EXTL3: variants seen among roughly 807,000 people sequenced by gnomAD.
EXTL3 encodes the protein exostosin-like 3.
Under a neutral mutation model 69.3 loss-of-function variants are expected in EXTL3, and 27 were observed. The ratio of observed to expected loss-of-function variants is 0.39; its 90% CI spans 0.29 to 0.54. The LOEUF (loss-of-function observed/expected upper bound fraction) is 0.54. Among genes scored for constraint, EXTL3 ranks in the 20% least tolerant of loss-of-function variants. The pLI is 0.69. For missense variants in EXTL3, 1,003 were observed against 1,231.8 expected (o/e 0.81, Z 2.78); for synonymous variants, 511 against 499.4 (o/e 1.02, Z -0.31).
At chr8:28,696,097 G>T (rs1370433281) in intron 1 of EXTL3, 1 of 152,100 alleles carries the variant, frequency 6.6e-6, no homozygotes, top group Non-Finnish European at 1.5e-5. Flanking sequence ...GGGTCTTCCT[G>T]TGTTGCCCAG....
At chr8:28,712,755 T>C (rs1801056154) in intron 1 of EXTL3, among the ~76,000 whole-genome samples, 2 of 152,214 alleles carry the variant, frequency 1.3e-5, no homozygotes, top group South Asian at 4.1e-4. Context: ...ATGCATTCTT[T>C]TGAATCATTG....
rs1328713932 is a variant in EXTL3, at chr8:28,753,118, C to G, written c.*2252C>G. ...CCAACAAGGACAGCCCTCCTTGACC[C>G]TGAAAGGAACACTGGCTTGAAGGAC... On this transcript the variant is annotated 3_prime_UTR_variant, in exon 7 of 7. Coordinates refer to ENST00000220562, the MANE Select transcript of EXTL3 (RefSeq NM_001440.4). 1 of 152,292 alleles carries G rather than the reference C, an allele frequency of 6.6e-6. No individual in the cohort carries two copies. Among genetic ancestry groups the G allele is most frequent in the Non-Finnish European group, 1.5e-5 (1 of 68,106 alleles). The allele number at this position is 152,292 out of a possible 1,614,324, so 9.4% of individuals were successfully genotyped here.
intron 1 of EXTL3, among the ~76,000 whole-genome samples, chr8:28,676,076 G>A (rs1263252129): frequency 6.6e-6 from 1 of 151,564 alleles, no homozygotes. Flanking sequence ...TTGGTTGGTT[G>A]GCTGGCTGAA....
At chr8:28,725,339 CTGTG>C in intron 3 of EXTL3, among the ~76,000 whole-genome samples, 1 of 152,136 alleles carries the variant, frequency 6.6e-6, no homozygotes, top group South Asian at 2.1e-4. Flanking sequence ...TCAGGGAGCC[CTGTG>C]TGTGAGACAG....
At chr8:28,728,858 C>T (rs1188795789) in intron 3 of EXTL3, among the ~76,000 whole-genome samples, 1 of 151,976 alleles carries the variant, frequency 6.6e-6, no homozygotes, top group African/African-American at 2.4e-5. Context: ...CACCATTGCA[C>T]TCCAGCCTAG....
At chr8:28,619,245 A>C (rs1806371002), upstream of EXTL3, among the ~76,000 whole-genome samples, 5 of 124,670 alleles carry the variant, frequency 4.0e-5, no homozygotes, top group Admixed American at 1.8e-4. Context: ...GAGGAAGCCC[A>C]CGTAGAAATT....
intron 1 of EXTL3, among the ~76,000 whole-genome samples, chr8:28,627,270 A>G (rs1217210351): frequency 6.6e-6 from 1 of 152,086 alleles, no homozygotes; most frequent in Non-Finnish European, 1.5e-5. Context: ...GCACTTTGGG[A>G]GGCTGAGGCA....
intron 1 of EXTL3, among the ~76,000 whole-genome samples, chr8:28,675,899 G>C (rs1233033792): frequency 6.6e-6 from 1 of 151,396 alleles, no homozygotes; most frequent in Non-Finnish European, 1.5e-5. Context: ...GTGCACGCCT[G>C]TAATCCCAGC....
chr8:28,645,085 G>T (rs919706898), intron 1 of EXTL3, among the ~76,000 whole-genome samples: 1 of 152,096 alleles, frequency 6.6e-6, no homozygotes, highest in East Asian at 1.9e-4. Flanking sequence ...TCTGAAAAGG[G>T]GAGTGAGAAA....
At chr8:28,690,982 G>C (rs1800605829) in intron 1 of EXTL3, among the ~76,000 whole-genome samples, 1 of 152,128 alleles carries the variant, frequency 6.6e-6, no homozygotes, top group Non-Finnish European at 1.5e-5. Context: ...CTGTATTGCA[G>C]GGGTGAAGTT....
At chr8:28,643,995 G>A (rs1806788117) in intron 1 of EXTL3, among the ~76,000 whole-genome samples, 1 of 152,074 alleles carries the variant, frequency 6.6e-6, no homozygotes, top group Non-Finnish European at 1.5e-5. Flanking sequence ...AAACTCCTGG[G>A]ATAAAGTGGT....
intron 1 of EXTL3, among the ~76,000 whole-genome samples, chr8:28,688,284 C>T (rs145789912): frequency 0.031 from 4,772 of 152,050 alleles, 117 homozygotes; most frequent in Non-Finnish European, 0.048. Flanking sequence ...AGGCTGGTCT[C>T]GAACTCCTGA....
chr8:28,679,725 C>T (rs1807451435), intron 1 of EXTL3, among the ~76,000 whole-genome samples: 1 of 91,124 alleles, frequency 1.1e-5, no homozygotes, highest in Non-Finnish European at 2.3e-5. Flanking sequence ...CCGACCCTAC[C>T]TCTTAAAAAA....
chr8:28,658,316 T>A (rs1807047643), intron 1 of EXTL3, among the ~76,000 whole-genome samples: 1 of 152,178 alleles, frequency 6.6e-6, no homozygotes, highest in South Asian at 2.1e-4. Flanking sequence ...ACATGGTTCA[T>A]GGAGCAGAAG....
At chr8:28,682,327 T>C (rs1807503318) in intron 1 of EXTL3, among the ~76,000 whole-genome samples, 1 of 152,242 alleles carries the variant, frequency 6.6e-6, no homozygotes, top group Non-Finnish European at 1.5e-5. Flanking sequence ...AGTTGAGTTC[T>C]TATATATTTC....
At chr8:28,725,088 T>C (rs1433541711) in intron 3 of EXTL3, among the ~76,000 whole-genome samples, 2 of 152,160 alleles carry the variant, frequency 1.3e-5, no homozygotes, top group African/African-American at 4.8e-5. Flanking sequence ...AGTTTCATTC[T>C]CAGATATGGA....
At position 28,643,572 on chromosome 8, in the gene EXTL3, A is replaced by G. The variant is rs549189301; in HGVS notation, c.-53+20762A>G. On this transcript the variant is annotated intron_variant, in intron 1 of 6. Coordinates refer to the EXTL3 transcript ENST00000523149. ...TGGGACTACAGGCGCCCGCTACCAC[A>G]CCCGGCTAATTTTTTTTTTGTATTT... 1.7e-4 allele frequency among the ~76,000 whole-genome samples: 25 copies of G among 148,352 alleles called. No individual in the cohort carries two copies. In the East Asian group the frequency reaches 2.4e-3, roughly 14 times the overall value.
At chr8:28,627,043 G>A (rs139831664) in intron 1 of EXTL3, among the ~76,000 whole-genome samples, 7,321 of 151,976 alleles carry the variant, frequency 0.048, 502 homozygotes, top group African/African-American at 0.15. Flanking sequence ...TTAGCTGGGC[G>A]TGGTGGCGGG....
At chr8:28,645,726 G>A (rs866993411) in intron 1 of EXTL3, among the ~76,000 whole-genome samples, 1 of 150,566 alleles carries the variant, frequency 6.6e-6, no homozygotes, top group South Asian at 2.1e-4. Flanking sequence ...ATGGGGTCTT[G>A]CTATGTTTCC....
Sources: allele counts gnomAD v4.1 joint callset (sites outside exome capture counted in the v4.1 genomes callset), GRCh38; gene constraint gnomAD v4.1.1; transcripts MANE v1.5; gene names NCBI Gene and HGNC (gene_info 2026-07-23, HGNC 2026-07-21).